KIF24: variants seen among roughly 807,000 people sequenced by gnomAD.
The protein encoded by KIF24 is kinesin-like protein KIF24.
Under a neutral mutation model 118.9 loss-of-function variants are expected in KIF24, and 81 were observed. The observed-to-expected ratio is 0.68, with a 90% CI of 0.57 to 0.82. The LOEUF (loss-of-function observed/expected upper bound fraction) is 0.82, where lower values mean the gene tolerates loss of function less well. Among genes scored for constraint, KIF24 ranks in the 40% least tolerant of loss-of-function variants. KIF24 has a pLI of 0.00. For missense variants in KIF24, 1,560 were observed against 1,661.6 expected (o/e 0.94, Z 1.06); for synonymous variants, 599 against 610.0 (o/e 0.98, Z 0.27).
chr9:34,286,598 A>G lies in KIF24; in HGVS notation c.1215+19T>C, dbSNP rs1042664404. ...TTACACTGTTGTGGTGGGGTAATAA[A>G]GAAGGAAGAATTAATTACCTCTAAG... On this transcript the variant is annotated intron_variant, in intron 6 of 12. Transcript: ENST00000402558. The G allele has an allele frequency of 6.4e-7, 1 of 1,559,726 alleles. No individual in the cohort carries two copies. Among genetic ancestry groups the G allele is most frequent in the African/African-American group, 1.4e-5 (1 of 73,844 alleles).
In KIF24 at chr9:34,257,787, T is replaced by C; in HGVS notation, c.1820A>G (p.Lys607Arg). The change falls in exon 11 of 13, where the codon AAG becomes AGG. Residue 607 changes from lysine to arginine, a missense_variant. Lys to Arg is a conservative substitution (Grantham distance 26). Around this residue, in one of 3 missense-constraint regions of KIF24, gnomAD observed 964 missense variants for 988.0 expected, o/e 0.98. Coordinates refer to ENST00000402558, the MANE Select transcript of KIF24 (RefSeq NM_194313.4). ...TGGGTGGCTGGTCAGAGGATGGACCTTCCCTCTCGTGGAACCAGGGGCTGC... is the reference window on the plus strand; with the variant it reads ...TGGGTGGCTGGTCAGAGGATGGACCCTCCCTCTCGTGGAACCAGGGGCTGC... Reference protein sequence around the residue: ...TVAAPGSTRGKVHPLTSHPPN... With the variant: ...TVAAPGSTRGRVHPLTSHPPN... 6.2e-7 allele frequency: 1 copy of C among 1,614,042 alleles called. No homozygotes were observed. Among genetic ancestry groups the C allele is most frequent in the Non-Finnish European group, 8.5e-7 (1 of 1,179,890 alleles).
At chr9:34,255,591 C>T (rs1008833369) in intron 11 of KIF24, 144 bp downstream of exon 11, 3 of 712,216 alleles carry the variant, frequency 4.2e-6, no homozygotes, top group African/African-American at 3.6e-5. Flanking sequence ...GGGCCCGGGA[C>T]CAAAGCAGAG....
chr9:34,318,453 T>C lies in KIF24; in HGVS notation c.-25-7082A>G, dbSNP rs1056265142. ...GCCTTCTGCCTCCTGGCGGTGGCCT[T>C]GGCGACCGAGGTGAAGAAACCTGCA... On this transcript the variant is annotated intron_variant, in intron 1 of 12. Coordinates refer to ENST00000402558, the MANE Select transcript of KIF24 (RefSeq NM_194313.4). The surrounding 1 kb of genome is among the most constrained non-coding windows in gnomAD (Gnocchi z 4.9). 11 of 733,836 alleles carry C rather than the reference T, an allele frequency of 1.5e-5. No homozygotes were observed. Among genetic ancestry groups the C allele is most frequent in the African/African-American group, 1.4e-4 (8 of 58,244 alleles). The allele number at this position is 733,836 out of a possible 1,614,324, so 45.5% of individuals were successfully genotyped here. A position where few individuals can be genotyped will look rare whatever the true frequency, so the allele number is the denominator to read the frequency against.
At chr9:34,268,468 A>G (rs932937322) in intron 8 of KIF24, among the ~76,000 whole-genome samples, 3 of 150,192 alleles carry the variant, frequency 2.0e-5, no homozygotes, top group Non-Finnish European at 3.0e-5. Flanking sequence ...GATATATACA[A>G]TATTTATGGA....
intron 1 of KIF24, among the ~76,000 whole-genome samples, chr9:34,325,849 T>G (rs1837655965): frequency 6.6e-6 from 1 of 152,210 alleles, no homozygotes; most frequent in Admixed American, 6.5e-5. Context: ...GTAATTTGAT[T>G]ACTCAGGAAA....
chr9:34,319,029 A>G (rs1183049783), intron 1 of KIF24: 1 of 1,235,150 alleles, frequency 8.1e-7, no homozygotes, highest in South Asian at 1.2e-5. Context: ...TTCAAGCCAC[A>G]CTGGAATGAG....
At chr9:34,267,835 C>T (rs868079844) in intron 8 of KIF24, among the ~76,000 whole-genome samples, 1 of 152,164 alleles carries the variant, frequency 6.6e-6, no homozygotes, top group African/African-American at 2.4e-5. Flanking sequence ...TAGAGCTTAG[C>T]CACCTGACAG....
intron 9 of KIF24, among the ~76,000 whole-genome samples, chr9:34,261,993 G>T (rs1835074788): frequency 6.6e-6 from 1 of 152,098 alleles, no homozygotes; most frequent in African/African-American, 2.4e-5. Context: ...GAGTGCAGTG[G>T]CGTGCTCACA....
chr9:34,263,598 G>A (rs1195780378), intron 8 of KIF24, among the ~76,000 whole-genome samples: 1 of 152,052 alleles, frequency 6.6e-6, no homozygotes, highest in Non-Finnish European at 1.5e-5. Context: ...GCTCACACAT[G>A]CACACCCGTT....
chr9:34,261,050 G>C (rs1835036174), intron 9 of KIF24, among the ~76,000 whole-genome samples: 1 of 152,120 alleles, frequency 6.6e-6, no homozygotes, highest in Non-Finnish European at 1.5e-5. Context: ...GTAGGTTCCT[G>C]GGTCCCTGGT....
intron 6 of KIF24, among the ~76,000 whole-genome samples, chr9:34,280,056 A>G (rs10758249): frequency 0.7 from 105,680 of 151,340 alleles, 38,980 homozygotes; most frequent in East Asian, 0.95. Context: ...AGGCCGAGGC[A>G]GGCGGATCAC....
chr9:34,331,584 G>A (rs186560300), upstream of KIF24, among the ~76,000 whole-genome samples: 26 of 152,310 alleles, frequency 1.7e-4, no homozygotes, highest in Admixed American at 1.3e-3. Flanking sequence ...TGGAGGGAAT[G>A]TGAGCTGCAG....
intron 6 of KIF24, among the ~76,000 whole-genome samples, chr9:34,276,891 C>G (rs1026488283): frequency 2.0e-5 from 3 of 152,172 alleles, no homozygotes; most frequent in African/African-American, 4.8e-5. Flanking sequence ...GCACTGCTAA[C>G]TAAGCTCAGA....
chr9:34,293,577 A>G (rs1242212757), intron 4 of KIF24, among the ~76,000 whole-genome samples: 4 of 152,048 alleles, frequency 2.6e-5, no homozygotes, highest in Admixed American at 2.6e-4. Flanking sequence ...GATCGAGACC[A>G]TCCTGGCTAA....
intron 8 of KIF24, among the ~76,000 whole-genome samples, chr9:34,266,101 C>G (rs1835277041): frequency 6.6e-6 from 1 of 152,136 alleles, no homozygotes; most frequent in Non-Finnish European, 1.5e-5. Context: ...TTATGTTGCT[C>G]AAGCTGGTCT....
At chr9:34,273,360 T>C (rs1368659419) in intron 6 of KIF24, among the ~76,000 whole-genome samples, 1 of 137,226 alleles carries the variant, frequency 7.3e-6, no homozygotes, top group African/African-American at 2.8e-5. Context: ...GGGATGGTAA[T>C]TGCCAGCAAT....
At position 34,253,722 on chromosome 9, in the gene KIF24, T is replaced by C. The variant is rs10972023; in HGVS notation, c.*658A>G. 0.12 allele frequency: 18,827 copies of C among 152,292 alleles called. 1,523 individuals carry two copies. Among genetic ancestry groups the C allele is most frequent in the Non-Finnish European group, 0.18 (12,208 of 68,034 alleles). 9.4% of individuals were successfully genotyped at this position (152,292 alleles called of 1,614,324 possible). On this transcript the variant is annotated 3_prime_UTR_variant, in exon 13 of 13. Transcript: ENST00000402558. ...CACCCTCTTCTGCCTCAACACTGGA[T>C]TGCAGGAAGGGAAGGGAGCTGTAAA...
rs1467033550 is a variant in KIF24 at position 34,257,667 on chromosome 9, G to A, written c.1940C>T (p.Pro647Leu). ...TCCAGAGCGCACAGTTCCTTTCACA[G>A]GGCTAGCATGAATGACCCACTCTTG... is the stretch of plus-strand genomic sequence containing the variant. ...PSQEWVIHASPVKGTVRSGHV... is the reference protein window; with the variant it reads ...PSQEWVIHASLVKGTVRSGHV... Residue 647 changes from proline to leucine, a missense_variant, in exon 11 of 13, where the codon CCT (proline) becomes CTT (leucine). This residue lies in a region of KIF24 where 964 missense variants were observed against 988.0 expected (regional missense o/e 0.98). Transcript: ENST00000402558. 6.2e-7 allele frequency: 1 copy of A among 1,614,030 alleles called. No individual in the cohort carries two copies.
intron 8 of KIF24, among the ~76,000 whole-genome samples, chr9:34,269,023 C>T (rs1257826926): frequency 6.6e-6 from 1 of 152,124 alleles, no homozygotes; most frequent in Non-Finnish European, 1.5e-5. Flanking sequence ...TACTTCTGTT[C>T]CTAATTGGCA....
Sources: gnomAD v4.1 joint callset for allele counts (sites outside exome capture counted in the v4.1 genomes callset) on GRCh38, gnomAD v4.1.1 for gene constraint, gnomAD v4.1.1 regional missense constraint, Gnocchi (gnomAD v3.1) non-coding constraint, MANE v1.5 for transcripts, NCBI Gene and HGNC (gene_info 2026-07-23, HGNC 2026-07-21) for gene names.